OSBPL8: variants seen among roughly 807,000 people sequenced by gnomAD.
The protein encoded by OSBPL8 is oxysterol-binding protein-related protein 8.
OSBPL8 carries 59 observed loss-of-function variants against 125.5 expected under a neutral mutation model. That is an observed-to-expected ratio of 0.47 (90% CI 0.38 to 0.58). OSBPL8 has a LOEUF of 0.58. Among genes scored for constraint, OSBPL8 ranks in the 20% least tolerant of loss-of-function variants. OSBPL8 has a pLI of 0.00. For synonymous variants in OSBPL8, 330 were observed against 338.9 expected (o/e 0.97, Z 0.29); for missense variants, 758 against 1,047.8 (o/e 0.72, Z 3.82).
intron 4 of OSBPL8, among the ~76,000 whole-genome samples, chr12:76,411,777 G>A (rs1461654793): frequency 6.6e-6 from 1 of 151,966 alleles, no homozygotes; most frequent in Non-Finnish European, 1.5e-5. Context: ...AGTGATTTGG[G>A]GTAGTGGTCT....
chr12:76,389,317 GAAC>G (rs1439861331), intron 12 of OSBPL8, among the ~76,000 whole-genome samples: 2 of 152,190 alleles, frequency 1.3e-5, no homozygotes, highest in Non-Finnish European at 2.9e-5. Flanking sequence ...TTGTAGAGGA[GAAC>G]AAATGATGCC....
At chr12:76,452,414 C>T (rs1565908380) in intron 3 of OSBPL8, among the ~76,000 whole-genome samples, 1 of 152,022 alleles carries the variant, frequency 6.6e-6, no homozygotes, top group Non-Finnish European at 1.5e-5. Flanking sequence ...CTTACATACC[C>T]AACTGCCTGC....
intron 1 of OSBPL8, among the ~76,000 whole-genome samples, chr12:76,554,546 C>T (rs1420440188): frequency 6.6e-6 from 1 of 151,978 alleles, no homozygotes; most frequent in Admixed American, 6.6e-5. Flanking sequence ...GTCAGTTGCT[C>T]AGGTTTAAAA....
intron 4 of OSBPL8, among the ~76,000 whole-genome samples, chr12:76,426,943 A>T (rs79997632): frequency 1.3e-5 from 2 of 152,260 alleles, no homozygotes; most frequent in East Asian, 3.9e-4. Flanking sequence ...CTCTTTGAGT[A>T]ATCCTAACTC....
chr12:76,364,491 G>A (rs1952330797), intron 21 of OSBPL8, among the ~76,000 whole-genome samples: 1 of 152,138 alleles, frequency 6.6e-6, no homozygotes, highest in South Asian at 2.1e-4. Flanking sequence ...CACACACCGG[G>A]ACCTGTCGGT....
intron 12 of OSBPL8, 48 bp downstream of exon 12, chr12:76,389,597 C>A: frequency 7.4e-7 from 1 of 1,349,080 alleles, no homozygotes; most frequent in Non-Finnish European, 9.9e-7. Context: ...TTGAGAATTT[C>A]TAAAATCATG....
intron 21 of OSBPL8, among the ~76,000 whole-genome samples, chr12:76,362,844 C>CAA (rs200464551): frequency 6.6e-6 from 1 of 152,104 alleles, no homozygotes; most frequent in Non-Finnish European, 1.5e-5. Flanking sequence ...TCTCAGGATA[C>CAA]AAAAAAATCA....
Position 76,487,499 on chromosome 12 carries a change from G to C in OSBPL8, c.42+11C>G. On this transcript the variant is annotated intron_variant, in intron 2 of 23. Transcript: ENST00000261183. Reference sequence around the variant, plus strand: ...AGATGATAGAACCTATGTCATATATGAACTACTCACCGAAGTTCGATCAGG... The same window carrying C: ...AGATGATAGAACCTATGTCATATATCAACTACTCACCGAAGTTCGATCAGG... 1 of 1,595,872 alleles carries C rather than the reference G, an allele frequency of 6.3e-7. No homozygotes were observed. Among genetic ancestry groups the C allele is most frequent in the Non-Finnish European group, 8.5e-7 (1 of 1,172,152 alleles).
intron 1 of OSBPL8, among the ~76,000 whole-genome samples, chr12:76,518,813 G>C (rs1881799724): frequency 6.6e-6 from 1 of 152,212 alleles, no homozygotes; most frequent in East Asian, 1.9e-4. Flanking sequence ...TAGAATGTGG[G>C]GAGGAGTGTC....
intron 1 of OSBPL8, among the ~76,000 whole-genome samples, chr12:76,511,536 G>T (rs1350660817): frequency 6.6e-6 from 1 of 152,170 alleles, no homozygotes; most frequent in Non-Finnish European, 1.5e-5. Context: ...CTTTCGAAAA[G>T]TGTCTGTTCA....
intron 2 of OSBPL8, among the ~76,000 whole-genome samples, chr12:76,465,748 G>A (rs1199383147): frequency 6.6e-6 from 1 of 152,104 alleles, no homozygotes; most frequent in Non-Finnish European, 1.5e-5. Flanking sequence ...GCTCACACCT[G>A]TAATCCCAGC....
At chr12:76,417,539 T>C (rs1293140328) in intron 4 of OSBPL8, among the ~76,000 whole-genome samples, 1 of 152,200 alleles carries the variant, frequency 6.6e-6, no homozygotes, top group Non-Finnish European at 1.5e-5. Context: ...ACTTCTTTAT[T>C]TTTCATCTTT....
At chr12:76,384,208 A>G (rs769206715) in intron 15 of OSBPL8, 46 bp downstream of exon 15, 1 of 1,164,548 alleles carries the variant, frequency 8.6e-7, no homozygotes, top group South Asian at 2.0e-5. Flanking sequence ...TCACCAGAAA[A>G]TAATACCTCC....
chr12:76,454,024 T>C (rs1873724640), intron 3 of OSBPL8, among the ~76,000 whole-genome samples: 1 of 152,114 alleles, frequency 6.6e-6, no homozygotes, highest in South Asian at 2.1e-4. Flanking sequence ...TTAACAAAAA[T>C]TAATGTCTGA....
chr12:76,532,469 C>A (rs1056197938), intron 1 of OSBPL8, among the ~76,000 whole-genome samples: 2 of 152,134 alleles, frequency 1.3e-5, no homozygotes, highest in African/African-American at 2.4e-5. Context: ...GTATTAGGAT[C>A]ATGGCAAATC....
chr12:76,446,229 A>G (rs989627486), intron 4 of OSBPL8, among the ~76,000 whole-genome samples: 1 of 152,194 alleles, frequency 6.6e-6, no homozygotes, highest in Admixed American at 6.5e-5. Flanking sequence ...AATGCTGATC[A>G]TGAGTACTTG....
intron 1 of OSBPL8, among the ~76,000 whole-genome samples, chr12:76,492,460 C>G (rs979221843): frequency 6.6e-6 from 1 of 152,142 alleles, no homozygotes; most frequent in African/African-American, 2.4e-5. Context: ...CAGACTGATA[C>G]GGGTCTGTGG....
In OSBPL8 at chr12:76,451,445, G is replaced by A. The variant is rs563531846; in HGVS notation, c.80-457C>T. 3.4e-4 allele frequency among the ~76,000 whole-genome samples: 52 copies of A among 152,058 alleles called. 1 individual carries two copies. The East Asian group carries it at 3.7e-3, about 11-fold the overall frequency. On this transcript the variant is annotated intron_variant, in intron 3 of 23. Coordinates refer to ENST00000261183, the MANE Select transcript of OSBPL8 (RefSeq NM_020841.5). Reference sequence around the variant, plus strand: ...CAGTATAAAATAATATTTGACATTCGCTAGAATTTCTACTCTAATTTCTAA... The same window carrying A: ...CAGTATAAAATAATATTTGACATTCACTAGAATTTCTACTCTAATTTCTAA...
At chr12:76,361,380 C>T (rs1476502803) in intron 21 of OSBPL8, among the ~76,000 whole-genome samples, 1 of 152,194 alleles carries the variant, frequency 6.6e-6, no homozygotes, top group African/African-American at 2.4e-5. Context: ...TTTCACATCA[C>T]TATCAACATT....
Sources: gnomAD v4.1 joint callset for allele counts (sites outside exome capture counted in the v4.1 genomes callset) on GRCh38, gnomAD v4.1.1 for gene constraint, MANE v1.5 for transcripts, NCBI Gene and HGNC (gene_info 2026-07-23, HGNC 2026-07-21) for gene names.